HOXB3: variants seen among roughly 807,000 people sequenced by gnomAD.
The protein encoded by HOXB3 is homeobox B3, also known as homeobox protein Hox-B3.
In HOXB3, 17 loss-of-function variants were observed where a neutral mutation model predicts 29.2. The ratio of observed to expected loss-of-function variants is 0.58; its 90% confidence interval spans 0.40 to 0.87. The LOEUF (loss-of-function observed/expected upper bound fraction) is 0.87, where lower values mean the gene tolerates loss of function less well. Among genes scored for constraint, HOXB3 ranks in the 40% least tolerant of loss-of-function variants. The pLI, the probability that HOXB3 is intolerant of heterozygous loss-of-function variation, is 0.00. For synonymous variants in HOXB3, 317 were observed against 285.9 expected, an observed-to-expected ratio of 1.11 and a Z score of -1.10; for missense variants, 637 against 616.3, an observed-to-expected ratio of 1.03 and a Z score of -0.35.
rs201859969 is a variant in HOXB3, at chr17:48,552,174, T to A, written c.301A>T (p.Ser101Cys). 2.5e-6 allele frequency: 4 copies of A among 1,613,976 alleles called. No homozygotes were observed. In the East Asian group the frequency reaches 6.7e-5, roughly 27 times the overall value. ...GGCCCGCCCCCATTACTGCTGTTGC[T>A]AGTGGCACTGGTAGGTGCGGCACTG... The part of the protein sequence containing the change: ...PPSAAPTSAT[S>C]NSSNGGGPSK... Residue 101 changes from serine (S) to cysteine (C), a missense_variant, in exon 4 of 5, where the codon AGC becomes TGC. By Grantham distance (112) the Ser-to-Cys change is moderately radical. Coordinates refer to ENST00000498678, the MANE Select transcript of HOXB3 (RefSeq NM_001384749.1).
At chr17:48,576,662 A>G in intron 1 of HOXB3, 1 of 124,740 alleles carries the variant, frequency 8.0e-6, no homozygotes, top group Non-Finnish European at 1.3e-5. Context: ...CCCCCACCCC[A>G]TCCCCTGCAC....
chr17:48,559,069 CT>C (rs2069103695), intron 2 of HOXB3, among the ~76,000 whole-genome samples: 2 of 151,920 alleles, frequency 1.3e-5, no homozygotes, highest in African/African-American at 4.8e-5. Context: ...AGAAAATGCC[CT>C]TCTTCACAGA....
Position 48,552,348 on chromosome 17 carries a change from G to A in HOXB3, c.127C>T (p.Leu43=). 1 of 1,614,028 alleles carries A rather than the reference G, an allele frequency of 6.2e-7. No individual in the cohort carries two copies. The highest frequency in any genetic ancestry group is 8.5e-7 in the Non-Finnish European group (1 of 1,179,948). ...PQPPFQAATH[L]EGDYQRSACS... ...GCTGAGCGCTGGTAGTCGCCCTCCAGGTGCGTGGCGGCCTGAAATGGGGGT... is the reference window on the plus strand; with the variant it reads ...GCTGAGCGCTGGTAGTCGCCCTCCAAGTGCGTGGCGGCCTGAAATGGGGGT... Residue 43 remains leucine, a synonymous_variant, in exon 4 of 5, where the codon CTG becomes TTG. Coordinates refer to ENST00000498678, the MANE Select transcript of HOXB3 (RefSeq NM_001384749.1).
intron 1 of HOXB3, chr17:48,579,637 G>T: frequency 5.8e-6 from 1 of 172,072 alleles, no homozygotes. Flanking sequence ...CTCTTAAAGA[G>T]ATGTGAAAAG....
intron 4 of HOXB3, 131 bp from the exon 5 acceptor site, chr17:48,551,312 T>A: frequency 8.7e-7 from 1 of 1,143,264 alleles, no homozygotes; most frequent in South Asian, 3.6e-5. Flanking sequence ...GCCCTCCCCT[T>A]CGGGTCCCCG....
In HOXB3 at chr17:48,554,552, T is replaced by C; in HGVS notation, c.-159+979A>G. 1.4e-6 allele frequency: 1 copy of C among 693,128 alleles called. No individual in the cohort carries two copies. Among genetic ancestry groups the C allele is most frequent in the Non-Finnish European group, 2.6e-6 (1 of 380,296 alleles). 42.9% of individuals were successfully genotyped at this position (693,128 alleles called of 1,614,324 possible). On this transcript the variant is annotated intron_variant, in intron 3 of 4. Transcript: ENST00000498678. The surrounding 1 kb of genome is among the most constrained non-coding windows in gnomAD (Gnocchi z 4.1). ...GGCTGGGAAGGTTTGTGCACCCGGG[T>C]AGTCCCTGGCTGCTGCTGCCAGGCT...
In HOXB3 at chr17:48,549,358, T is replaced by TAA. The variant is rs2068627923; in HGVS notation, c.*975_*976insTT. 1.3e-5 allele frequency: 2 copies of TAA among 152,762 alleles called. No homozygotes were observed. The highest frequency in any genetic ancestry group is 2.1e-4 in the South Asian group (1 of 4,832). 9.5% of individuals were successfully genotyped at this position (152,762 alleles called of 1,614,324 possible). ...CCCAGACATCTCTCACAGTTGTTTT[T>TAA]ACATCCATTAAAATGTAAATTCTAA... is the stretch of plus-strand genomic sequence containing the variant. On this transcript the variant is annotated 3_prime_UTR_variant, in exon 5 of 5. Coordinates refer to ENST00000498678, the MANE Select transcript of HOXB3 (RefSeq NM_001384749.1).
chr17:48,550,555 C>T lies in HOXB3; in HGVS notation c.1075G>A (p.Ala359Thr), dbSNP rs1056535114. 4 of 1,522,832 alleles carry T rather than the reference C, an allele frequency of 2.6e-6. No homozygotes were observed. Among genetic ancestry groups the T allele is most frequent in the African/African-American group, 2.8e-5 (2 of 71,964 alleles). 94.3% of individuals were successfully genotyped at this position (1,522,832 alleles called of 1,614,324 possible). A position where few individuals can be genotyped will look rare whatever the true frequency, so the allele number is the denominator to read the frequency against. ...CCGGCAGGGGGCGGCAGCGGATCCG[C>T]GTAGCCGCCCCCGCCCACGTACACC... ...SPVYVGGGGY[A>T]DPLPPPAGPS... is the part of the protein sequence containing the mutation. The change falls in exon 5 of 5, where the codon GCG becomes ACG. Residue 359 changes from alanine to threonine, a missense_variant. Transcript: ENST00000498678.
In HOXB3 at chr17:48,549,040, A is replaced by G. The variant is rs1011785381; in HGVS notation, c.*1294T>C. The G allele has an allele frequency of 1.3e-5, 2 of 152,678 alleles. No individual in the cohort carries two copies. Among genetic ancestry groups the G allele is most frequent in the Non-Finnish European group, 2.9e-5 (2 of 68,050 alleles). 9.5% of individuals were successfully genotyped at this position (152,678 alleles called of 1,614,324 possible). A position where few individuals can be genotyped will look rare whatever the true frequency, so the allele number is the denominator to read the frequency against. On this transcript the variant is annotated 3_prime_UTR_variant, in exon 5 of 5. Transcript: ENST00000498678. Reference sequence around the variant, plus strand: ...TAGGAGCTGAGTTCATGCCTTTTAGAACTAATTACAATTGTTCGTAAGTAC... The same window carrying G: ...TAGGAGCTGAGTTCATGCCTTTTAGGACTAATTACAATTGTTCGTAAGTAC...
rs2068803968 is a variant in HOXB3, at chr17:48,552,579, C to CCCT, written c.-106_-105insAGG. ...GTCACGTGACACGCCGGACCCCCCC[C>CCCT]CCCCACCTCCCCTCTCTGCCCCCCT... On this transcript the variant is annotated 5_prime_UTR_variant, in exon 4 of 5. Coordinates refer to ENST00000498678, the MANE Select transcript of HOXB3 (RefSeq NM_001384749.1). 1 of 764,566 alleles carries CCCT rather than the reference C, an allele frequency of 1.3e-6. No individual in the cohort carries two copies. Among genetic ancestry groups the CCCT allele is most frequent in the East Asian group, 2.9e-5 (1 of 34,436 alleles). The allele number at this position is 764,566 out of a possible 1,614,324, so 47.4% of individuals were successfully genotyped here.
chr17:48,573,318 C>T (rs941730897), intron 2 of HOXB3, among the ~76,000 whole-genome samples: 6 of 152,176 alleles, frequency 3.9e-5, no homozygotes, highest in Admixed American at 6.5e-5. Context: ...CACTTATACC[C>T]GCTCCAAAGC....
At chr17:48,576,573 C>T in intron 1 of HOXB3, 2 of 611,622 alleles carry the variant, frequency 3.3e-6, no homozygotes, top group Non-Finnish European at 5.3e-6. Context: ...TCCCCCTCTT[C>T]TGCGTTTATT....
intron 1 of HOXB3, chr17:48,579,811 T>C (rs570273644): frequency 2.7e-5 from 12 of 450,452 alleles, no homozygotes; most frequent in African/African-American, 2.3e-4. Context: ...TATACATATA[T>C]ATATATTTTT....
At chr17:48,576,711 G>T in intron 1 of HOXB3, 2 of 1,311,314 alleles carry the variant, frequency 1.5e-6, no homozygotes, top group South Asian at 1.2e-5. Context: ...TGGCTCCCGC[G>T]TGCGGGGGCA....
In HOXB3 at chr17:48,550,856, G is replaced by A; in HGVS notation, c.774C>T (p.Gly258=). ...GCGGGGGGCTGCCGGCTGGAGATGG[G>A]CCCCCCGACGACGAGGCCAATCCCT... ...KAKGLASSSG[G]PSPAGSPPQP... Residue 258 remains glycine (G), a synonymous_variant, in exon 5 of 5, where the codon GGC becomes GGT. Transcript: ENST00000498678. 6.2e-7 allele frequency: 1 copy of A among 1,613,894 alleles called. No individual in the cohort carries two copies. The highest frequency in any genetic ancestry group is 1.1e-5 in the South Asian group (1 of 91,082).
intron 2 of HOXB3, among the ~76,000 whole-genome samples, chr17:48,566,436 C>T (rs1223460220): frequency 6.6e-6 from 1 of 150,802 alleles, no homozygotes; most frequent in Non-Finnish European, 1.5e-5. Context: ...GAGACAAAGA[C>T]CTGAAGAGGG....
At chr17:48,580,173 C>T (rs1472429490) in intron 1 of HOXB3, 1 of 248,526 alleles carries the variant, frequency 4.0e-6, no homozygotes, top group African/African-American at 2.4e-5. Context: ...CCTCCGCCGC[C>T]GCCGCGCAAC....
intron 2 of HOXB3, among the ~76,000 whole-genome samples, chr17:48,564,284 G>A (rs1360455466): frequency 1.3e-5 from 2 of 151,734 alleles, no homozygotes; most frequent in African/African-American, 2.4e-5. Flanking sequence ...GGGGCCGACT[G>A]CCAGGCCCCG....
rs1383745141 is a variant in HOXB3 at position 48,550,548 on chromosome 17, G to A, written c.1082C>T (p.Pro361Leu). Residue 361 changes from proline (P) to leucine (L), a missense_variant, in exon 5 of 5, where the codon CCG becomes CTG. Pro to Leu is a moderately conservative substitution (Grantham distance 98). Transcript: ENST00000498678. ...GGAGGGGCCGGCAGGGGGCGGCAGC[G>A]GATCCGCGTAGCCGCCCCCGCCCAC... ...VYVGGGGYAD[P>L]LPPPAGPSLY... 2.6e-6 allele frequency: 4 copies of A among 1,529,088 alleles called. No homozygotes were observed. Among genetic ancestry groups the A allele is most frequent in the Non-Finnish European group, 3.5e-6 (4 of 1,150,250 alleles). 94.7% of individuals were successfully genotyped at this position (1,529,088 alleles called of 1,614,324 possible).
Sources: allele counts gnomAD v4.1 joint callset (sites outside exome capture counted in the v4.1 genomes callset), GRCh38; gene constraint gnomAD v4.1.1; non-coding constraint Gnocchi (gnomAD v3.1); transcripts MANE v1.5; gene names NCBI Gene and HGNC (gene_info 2026-07-23, HGNC 2026-07-21).